Variants in MAGI2 observed in about 807,000 individuals in gnomAD.
The protein encoded by MAGI2 is membrane associated guanylate kinase, WW and PDZ domain containing 2.
In MAGI2, 35 loss-of-function variants were observed where a neutral mutation model predicts 133.3. That is an observed-to-expected ratio of 0.26 (90% CI 0.20 to 0.35). The LOEUF (loss-of-function observed/expected upper bound fraction) is 0.35, where lower values mean the gene tolerates loss of function less well. Ranked by LOEUF, MAGI2 falls within the 10% of genes least tolerant of loss-of-function variation. MAGI2 has a pLI of 1.00. For synonymous variants in MAGI2, 729 were observed against 710.6 expected (o/e 1.03, Z -0.41); for missense variants, 1,636 against 1,863.4 (o/e 0.88, Z 2.25).
At chr7:78,979,439 C>G (rs527442764) in intron 2 of MAGI2, among the ~76,000 whole-genome samples, 43 of 151,926 alleles carry the variant, frequency 2.8e-4, no homozygotes, top group Admixed American at 8.5e-4. Flanking sequence ...CTCTGTGCTC[C>G]CAGGGACAAG....
rs576146613 is a variant in MAGI2 at position 79,089,525 on chromosome 7, T to A, written c.302-82319A>T. On this transcript the variant is annotated intron_variant, in intron 1 of 21. Coordinates refer to ENST00000354212, the MANE Select transcript of MAGI2 (RefSeq NM_012301.4). The stretch of plus-strand genomic sequence containing the variant: ...CACACGTATCTTTATTGCAGCACTG[T>A]TTACAATAGCAAAGACTTTGAACCG... 3.9e-5 allele frequency among the ~76,000 whole-genome samples: 6 copies of A among 152,048 alleles called. No homozygotes were observed. In the South Asian group the frequency reaches 1.2e-3, roughly 32 times the overall value.
intron 4 of MAGI2, among the ~76,000 whole-genome samples, chr7:78,503,431 C>G (rs991527464): frequency 4.6e-5 from 7 of 151,938 alleles, no homozygotes; most frequent in African/African-American, 1.7e-4. Flanking sequence ...AGGGCAGAAC[C>G]AGGTGGAGGT....
At chr7:79,232,756 A>G in intron 1 of MAGI2, among the ~76,000 whole-genome samples, 1 of 117,492 alleles carries the variant, frequency 8.5e-6, no homozygotes, top group Non-Finnish European at 1.7e-5. Context: ...TCCTGGATTC[A>G]TTAATTTTTT....
chr7:78,197,371 G>A (rs2150746788), intron 11 of MAGI2, among the ~76,000 whole-genome samples: 1 of 152,304 alleles, frequency 6.6e-6, no homozygotes, highest in East Asian at 1.9e-4. Flanking sequence ...CTGGGGAGCT[G>A]TAGTACTCTC....
intron 2 of MAGI2, among the ~76,000 whole-genome samples, chr7:78,933,756 C>T (rs1485748580): frequency 6.6e-6 from 1 of 151,998 alleles, no homozygotes; most frequent in African/African-American, 2.4e-5. Context: ...AAGGAATGTG[C>T]ATTCATAAGA....
At chr7:78,995,000 G>C (rs2116379988) in intron 2 of MAGI2, among the ~76,000 whole-genome samples, 2 of 152,180 alleles carry the variant, frequency 1.3e-5, no homozygotes, top group South Asian at 4.1e-4. Flanking sequence ...AATGCAGGTA[G>C]AAAGTCTAGT....
At chr7:78,360,096 ATCT>A (rs562829149) in intron 7 of MAGI2, among the ~76,000 whole-genome samples, 4 of 152,228 alleles carry the variant, frequency 2.6e-5, no homozygotes, top group Non-Finnish European at 5.9e-5. Context: ...AGGGTAAAAC[ATCT>A]TCTGTTTCAT....
chr7:79,012,036 T>C (rs1562785641), intron 1 of MAGI2: 1 of 152,088 alleles, frequency 6.6e-6, no homozygotes, highest in Admixed American at 6.6e-5. Context: ...TGGGTCTTTG[T>C]GCTGAGCTAC....
rs118032927 is a variant in MAGI2 at position 79,262,406 on chromosome 7, A to G, written c.301+190614T>C. Among the ~76,000 whole-genome samples the G allele has an allele frequency of 7.9e-3, 1,197 of 152,364 alleles. 8 individuals carry two copies. Among genetic ancestry groups the G allele is most frequent in the Non-Finnish European group, 0.013 (866 of 68,034 alleles). ...CTTTGAATTTATGCTTAAAATATAC[A>G]TAACTAAAAAGGCTAGAAAGCATTT... On this transcript the variant is annotated intron_variant, in intron 1 of 21. Coordinates refer to ENST00000354212, the MANE Select transcript of MAGI2 (RefSeq NM_012301.4).
At chr7:79,110,870 A>G (rs1218296077) in intron 1 of MAGI2, among the ~76,000 whole-genome samples, 1 of 152,114 alleles carries the variant, frequency 6.6e-6, no homozygotes, top group Non-Finnish European at 1.5e-5. Flanking sequence ...CCTCATGATA[A>G]TGAATGAGTT....
chr7:78,347,271 C>CTTCAGAAAGGA (rs1791019593), intron 7 of MAGI2: 2 of 152,354 alleles, frequency 1.3e-5, no homozygotes, highest in Non-Finnish European at 1.5e-5. Context: ...AACATCTCAA[C>CTTCAGAAAGGA]AACCAATTTC....
At chr7:78,838,853 A>G (rs1791882800) in intron 2 of MAGI2, among the ~76,000 whole-genome samples, 1 of 152,136 alleles carries the variant, frequency 6.6e-6, no homozygotes, top group Non-Finnish European at 1.5e-5. Context: ...TAAAACAATA[A>G]CTAAGCAAGA....
chr7:78,573,320 A>AT (rs1801883488), intron 3 of MAGI2, among the ~76,000 whole-genome samples: 18 of 69,366 alleles, frequency 2.6e-4, no homozygotes, highest in African/African-American at 1.3e-3. Context: ...ATAAATATAT[A>AT]AATATATATA....
intron 1 of MAGI2, among the ~76,000 whole-genome samples, chr7:79,155,074 T>G (rs1353572752): frequency 1.3e-5 from 2 of 152,174 alleles, no homozygotes; most frequent in Non-Finnish European, 2.9e-5. Flanking sequence ...TATTAAAATT[T>G]TCACAAGGCA....
intron 3 of MAGI2, among the ~76,000 whole-genome samples, chr7:78,582,400 T>C (rs1388859390): frequency 6.6e-6 from 1 of 152,130 alleles, no homozygotes; most frequent in Non-Finnish European, 1.5e-5. Context: ...TGTTATGCAA[T>C]ATAAAAGAAG....
intron 20 of MAGI2, among the ~76,000 whole-genome samples, chr7:78,112,710 G>A (rs904250757): frequency 6.6e-6 from 1 of 152,204 alleles, no homozygotes; most frequent in African/African-American, 2.4e-5. Context: ...TTTACTGAGT[G>A]CCCCAGGTAC....
chr7:78,685,571 T>C (rs1222288776), intron 2 of MAGI2, among the ~76,000 whole-genome samples: 2 of 129,502 alleles, frequency 1.5e-5, no homozygotes. Flanking sequence ...TCCAGTTTTT[T>C]TGCTTAAACA....
chr7:79,300,869 C>A (rs1161760921), intron 1 of MAGI2, among the ~76,000 whole-genome samples: 1 of 152,178 alleles, frequency 6.6e-6, no homozygotes, highest in Non-Finnish European at 1.5e-5. Context: ...GGAGATACTG[C>A]TCTCACATCC....
chr7:78,991,602 T>TA (rs1283914143), intron 2 of MAGI2, among the ~76,000 whole-genome samples: 2 of 151,842 alleles, frequency 1.3e-5, no homozygotes, highest in Non-Finnish European at 2.9e-5. Context: ...TTTTTTTTTT[T>TA]TTTAAATAAT....
Sources: allele counts gnomAD v4.1 joint callset (sites outside exome capture counted in the v4.1 genomes callset), GRCh38; gene constraint gnomAD v4.1.1; transcripts MANE v1.5; gene names NCBI Gene and HGNC (gene_info 2026-07-23, HGNC 2026-07-21).